Variants in ANK3 observed in about 807,000 individuals in gnomAD.
The protein encoded by ANK3 is ankyrin-3.
In ANK3, 57 loss-of-function variants were observed where a neutral mutation model predicts 370.9. The ratio of observed to expected loss-of-function variants is 0.15; its 90% CI spans 0.12 to 0.19. The LOEUF (loss-of-function observed/expected upper bound fraction) is 0.19. ANK3 is among the 10% of genes least tolerant of loss of function. ANK3 has a pLI of 1.00. For missense variants in ANK3, 4,439 were observed against 5,302.1 expected, an observed-to-expected ratio of 0.84 and a Z score of 5.06; for synonymous variants, 1,929 against 1,946.3, an observed-to-expected ratio of 0.99 and a Z score of 0.23.
chr10:60,331,059 T>C (rs1790694453), intron 1 of ANK3, among the ~76,000 whole-genome samples: 3 of 152,048 alleles, frequency 2.0e-5, no homozygotes, highest in South Asian at 2.1e-4. Flanking sequence ...TAAGTGGGAA[T>C]TGAACTATGA....
chr10:60,126,801 A>C (rs1049405776), intron 25 of ANK3, among the ~76,000 whole-genome samples: 1 of 152,300 alleles, frequency 6.6e-6, no homozygotes, highest in East Asian at 1.9e-4. Flanking sequence ...CTAGAGAGAA[A>C]GCATAAAATA....
intron 2 of ANK3, among the ~76,000 whole-genome samples, chr10:60,533,410 G>C (rs1421886002): frequency 6.6e-6 from 1 of 152,068 alleles, no homozygotes; most frequent in African/African-American, 2.4e-5. Context: ...AAGTGCTCCA[G>C]GCTCTCCAAT....
At chr10:60,270,031 A>T (rs997765643) in intron 5 of ANK3, 100 bp downstream of exon 5, 38 of 638,394 alleles carry the variant, frequency 6.0e-5, no homozygotes, top group Non-Finnish European at 9.5e-5. Flanking sequence ...TTAATATAAA[A>T]CTTCAATTGA....
chr10:60,081,068 A>G (rs2085092016), intron 35 of ANK3, among the ~76,000 whole-genome samples: 1 of 152,108 alleles, frequency 6.6e-6, no homozygotes, highest in African/African-American at 2.4e-5. Context: ...TTTTGTTAGA[A>G]GTACTTTTTT....
intron 1 of ANK3, among the ~76,000 whole-genome samples, chr10:60,661,006 T>G (rs961370423): frequency 6.6e-6 from 1 of 152,058 alleles, no homozygotes; most frequent in Non-Finnish European, 1.5e-5. Context: ...AAGTTTAGGC[T>G]TAGTTCTCTA....
intron 2 of ANK3, among the ~76,000 whole-genome samples, chr10:60,517,953 C>T (rs1011556508): frequency 1.3e-5 from 2 of 152,124 alleles, no homozygotes; most frequent in Non-Finnish European, 2.9e-5. Flanking sequence ...CCTCGCTCTG[C>T]TCCTATTATG....
chr10:60,364,052 C>T (rs1594550915), intron 1 of ANK3, among the ~76,000 whole-genome samples: 2 of 147,604 alleles, frequency 1.4e-5, no homozygotes, highest in Non-Finnish European at 1.5e-5. Context: ...CCAGCACTTT[C>T]GGAGGCTGAG....
intron 1 of ANK3, among the ~76,000 whole-genome samples, chr10:60,317,422 C>T (rs1481444811): frequency 6.6e-6 from 1 of 152,164 alleles, no homozygotes; most frequent in Admixed American, 6.5e-5. Flanking sequence ...CTGTGCCCGG[C>T]CCCTACTTGG....
chr10:60,240,194 A>G (rs1429536593), intron 7 of ANK3, among the ~76,000 whole-genome samples: 4 of 137,604 alleles, frequency 2.9e-5, no homozygotes, highest in Non-Finnish European at 4.5e-5. Context: ...ACATATATAT[A>G]CACACACACA....
At chr10:60,308,735 C>A (rs1293445411) in intron 1 of ANK3, among the ~76,000 whole-genome samples, 1 of 152,168 alleles carries the variant, frequency 6.6e-6, no homozygotes, top group Non-Finnish European at 1.5e-5. Flanking sequence ...CCCAGCGATA[C>A]ACTGTCTAGG....
At chr10:60,662,144 G>T (rs10994466) in intron 1 of ANK3, among the ~76,000 whole-genome samples, 5 of 151,964 alleles carry the variant, frequency 3.3e-5, no homozygotes, top group Admixed American at 6.6e-5. Flanking sequence ...ACTATTGGTC[G>T]TTTTTGAGTT....
rs776061258 is a variant in ANK3 at position 60,181,347 on chromosome 10, A to G, written c.2166T>C (p.His722=). 1.7e-5 allele frequency: 27 copies of G among 1,614,062 alleles called. No homozygotes were observed. The highest frequency in any genetic ancestry group is 2.3e-5 in the Non-Finnish European group (27 of 1,180,036). Residue 722 remains histidine (H), a synonymous_variant, in exon 18 of 44, where the codon CAT becomes CAC. Coordinates refer to ENST00000280772, the MANE Select transcript of ANK3 (RefSeq NM_020987.5). ...VAEVLVNQGA[H]VDAQTKMGYT... is the part of the protein sequence containing the mutation. ...CGTATACCTTTGTCTGGGCGTCCAC[A>G]TGAGCCCCTTGGTTTACGAGGACTT...
At chr10:60,190,726 A>G (rs1402343743) in intron 16 of ANK3, among the ~76,000 whole-genome samples, 1 of 152,228 alleles carries the variant, frequency 6.6e-6, no homozygotes, top group East Asian at 1.9e-4. Flanking sequence ...CAGAATTAGA[A>G]AAAGCAATCC....
Position 60,100,234 on chromosome 10 carries a change from G to GTTTTTTTTTTTTTTTTTTT in ANK3, c.3328+5652_3328+5670dup, listed in dbSNP as rs3045340. Among the ~76,000 whole-genome samples, 114 of 57,892 alleles carry GTTTTTTTTTTTTTTTTTTT rather than the reference G, an allele frequency of 2.0e-3. 17 individuals are homozygous for GTTTTTTTTTTTTTTTTTTT. The highest frequency in any genetic ancestry group is 2.5e-3 in the South Asian group (3 of 1,196). The allele number at this position is 57,892 out of a possible 152,430, so 38.0% of individuals were successfully genotyped here. A position where few individuals can be genotyped will look rare whatever the true frequency, so the allele number is the denominator to read the frequency against. On this transcript the variant is annotated intron_variant, in intron 28 of 43. Coordinates refer to ENST00000280772, the MANE Select transcript of ANK3 (RefSeq NM_020987.5). The stretch of plus-strand genomic sequence containing the variant: ...GGCTGAAAGTCAGTATTTTGCTATG[G>GTTTTTTTTTTTTTTTTTTT]TTTTTTTTTTTTTTTTTTTTTTGCA...
At position 60,072,007 on chromosome 10, in the gene ANK3, T is replaced by A. The variant is rs1333516526; in HGVS notation, c.8874A>T (p.Ser2958=). 1 of 1,614,020 alleles carries A rather than the reference T, an allele frequency of 6.2e-7. No individual in the cohort carries two copies. Among genetic ancestry groups the A allele is most frequent in the African/African-American group, 1.3e-5 (1 of 74,930 alleles). Residue 2958 remains serine, a synonymous_variant, in exon 37 of 44, where the codon TCA becomes TCT. Coordinates refer to ENST00000280772, the MANE Select transcript of ANK3 (RefSeq NM_020987.5). Reference sequence around the variant, plus strand: ...CATCAGCAACTCTGACGGGAATGTGTGACACTGCTGAGCTCTCGCTCCTCC... The same window carrying A: ...CATCAGCAACTCTGACGGGAATGTGAGACACTGCTGAGCTCTCGCTCCTCC... The part of the protein sequence containing the change: ...PSRRSESSAV[S]HIPVRVADER...
intron 30 of ANK3, 94 bp downstream of exon 30, chr10:60,086,583 G>T: frequency 9.5e-7 from 1 of 1,057,384 alleles, no homozygotes. Flanking sequence ...TGTTGGCATG[G>T]ATATTTCAAA....
At position 60,028,868 on chromosome 10, in the gene ANK3, G is replaced by T. The variant is rs370916512; in HGVS notation, c.*978C>A. 3,970 of 125,816 alleles carry T rather than the reference G, an allele frequency of 0.032. 108 individuals carry two copies. Among genetic ancestry groups the T allele is most frequent in the African/African-American group, 0.078 (2,622 of 33,712 alleles). The allele number at this position is 125,816 out of a possible 1,614,324, so 7.8% of individuals were successfully genotyped here. On this transcript the variant is annotated 3_prime_UTR_variant, in exon 44 of 44. Coordinates refer to ENST00000280772, the MANE Select transcript of ANK3 (RefSeq NM_020987.5). ...ACTACCGTATAGGTTATTTTTTTTTGTTGTTTTTAGGTCATTTCATTGAAA... is the reference window on the plus strand; with the variant it reads ...ACTACCGTATAGGTTATTTTTTTTTTTTGTTTTTAGGTCATTTCATTGAAA...
At chr10:60,242,056 A>G (rs1199640378) in intron 7 of ANK3, among the ~76,000 whole-genome samples, 1 of 152,088 alleles carries the variant, frequency 6.6e-6, no homozygotes, top group Non-Finnish European at 1.5e-5. Context: ...GTATAATACC[A>G]TTTCTAGCCC....
chr10:60,541,570 G>A (rs767152759), intron 2 of ANK3, among the ~76,000 whole-genome samples: 17 of 151,780 alleles, frequency 1.1e-4, no homozygotes, highest in Admixed American at 2.6e-4. Flanking sequence ...ACAAAGTGCC[G>A]AAAGTACTAA....
Sources: allele counts gnomAD v4.1 joint callset (sites outside exome capture counted in the v4.1 genomes callset), GRCh38; gene constraint gnomAD v4.1.1; transcripts MANE v1.5; gene names NCBI Gene and HGNC (gene_info 2026-07-23, HGNC 2026-07-21).